The following PIAS1 variants were observed in gnomAD, a reference collection of about 807,000 sequenced individuals.
PIAS1 encodes the protein protein inhibitor of activated STAT 1.
PIAS1 carries 6 observed loss-of-function variants against 71.3 expected under a neutral mutation model. The observed-to-expected ratio is 0.08, with a 90% CI of 0.05 to 0.17. PIAS1 has a LOEUF of 0.17. Ranked by LOEUF, PIAS1 falls within the 10% of genes least tolerant of loss-of-function variation. PIAS1 has a pLI of 1.00. For synonymous variants in PIAS1, 303 were observed against 292.9 expected, an observed-to-expected ratio of 1.03 and a Z score of -0.35; for missense variants, 555 against 793.6, an observed-to-expected ratio of 0.70 and a Z score of 3.61.
rs1336113046 is a variant in PIAS1 at position 68,187,770 on chromosome 15, A to G, written c.1891A>G (p.Asn631Asp). The change falls in exon 14 of 14, where the codon AAC becomes GAC. Residue 631 changes from asparagine to aspartate, a missense_variant. By Grantham distance (23) the Asn-to-Asp change is conservative. This residue lies in a region of PIAS1 where 244 missense variants were observed against 307.5 expected (regional missense o/e 0.79). Transcript: ENST00000249636. The surrounding 1 kb of genome is among the most constrained non-coding windows in gnomAD (Gnocchi z 5.3). ...LRESHSHTVT[N>D]RSSTDTASIF... ...GGAAAGCCATAGCCACACCGTCACA[A>G]ACAGGAGCAGCACGGACACGGCATC... 3.1e-6 allele frequency: 5 copies of G among 1,613,974 alleles called. No homozygotes were observed. The highest frequency in any genetic ancestry group is 4.2e-6 in the Non-Finnish European group (5 of 1,179,896).
intron 8 of PIAS1, among the ~76,000 whole-genome samples, chr15:68,168,671 T>A (rs1354569366): frequency 6.9e-6 from 1 of 145,616 alleles, no homozygotes; most frequent in African/African-American, 2.9e-5. Context: ...TAGAATTTAG[T>A]GATTTTTTTA....
chr15:68,092,585 GA>G (rs2092341781), intron 2 of PIAS1, among the ~76,000 whole-genome samples: 1 of 152,158 alleles, frequency 6.6e-6, no homozygotes, highest in Non-Finnish European at 1.5e-5. Flanking sequence ...TTCAAATGTT[GA>G]AACCTAATTC....
At chr15:68,058,702 G>A (rs891671257) in intron 1 of PIAS1, among the ~76,000 whole-genome samples, 1 of 152,156 alleles carries the variant, frequency 6.6e-6, no homozygotes, top group Non-Finnish European at 1.5e-5. Flanking sequence ...ATTAATTTTT[G>A]TAAGTATCAT....
At chr15:68,078,628 T>G (rs888078461) in intron 1 of PIAS1, among the ~76,000 whole-genome samples, 5 of 152,210 alleles carry the variant, frequency 3.3e-5, no homozygotes, top group Admixed American at 3.3e-4. Flanking sequence ...GTATTAGTTA[T>G]GAACTCTGGA....
chr15:68,176,388 C>T lies in PIAS1; in HGVS notation c.1301-86C>T. ...GCTCCAACAATATTGTGAATCTAAA[C>T]TGTAACTGATAAACTGTAGTGACAC... is the stretch of plus-strand genomic sequence containing the variant. On this transcript the variant is annotated intron_variant, in intron 10 of 13. Coordinates refer to ENST00000249636, the MANE Select transcript of PIAS1 (RefSeq NM_016166.3). 3 of 825,850 alleles carry T rather than the reference C, an allele frequency of 3.6e-6. No homozygotes were observed. The South Asian group carries it at 9.4e-5, about 26-fold the overall frequency. The allele number at this position is 825,850 out of a possible 1,614,324, so 51.2% of individuals were successfully genotyped here.
intron 6 of PIAS1, among the ~76,000 whole-genome samples, chr15:68,151,658 A>G (rs969423682): frequency 1.2e-5 from 1 of 82,050 alleles, no homozygotes; most frequent in Admixed American, 1.2e-4. Context: ...CATCTCTACT[A>G]AAAACAAAAA....
rs562019259 is a variant in PIAS1 at position 68,093,610 on chromosome 15, A to T, written c.469+6860A>T. Reference sequence around the variant, plus strand: ...ATTTAAGTGGTTTATTTTGTGGGGGAACAACATGGATCATAATTGTGGTTG... The same window carrying T: ...ATTTAAGTGGTTTATTTTGTGGGGGTACAACATGGATCATAATTGTGGTTG... On this transcript the variant is annotated intron_variant, in intron 2 of 13. Transcript: ENST00000249636. Among the ~76,000 whole-genome samples, 7 of 152,294 alleles carry T rather than the reference A, an allele frequency of 4.6e-5. No individual in the cohort carries two copies. The East Asian group carries it at 1.2e-3, about 25-fold the overall frequency.
Position 68,187,661 on chromosome 15 carries a change from T to G in PIAS1, c.1782T>G (p.Ser594Arg). ...TSSQMFLDQL[S>R]AGGSTSLPTT... is the part of the protein sequence containing the mutation. ...CACAGATGTTTCTTGATCAGTTAAG[T>G]GCAGGAGGCAGTACTTCTCTGCCAA... Residue 594 changes from serine to arginine, a missense_variant, in exon 14 of 14, where the codon AGT becomes AGG. This residue lies in a region of PIAS1 where 244 missense variants were observed against 307.5 expected (regional missense o/e 0.79). Coordinates refer to ENST00000249636, the MANE Select transcript of PIAS1 (RefSeq NM_016166.3). This position sits in a 1 kb window ranked among gnomAD's most constrained non-coding sequence, Gnocchi z 5.3. 6.2e-7 allele frequency: 1 copy of G among 1,614,024 alleles called. No individual in the cohort carries two copies. The highest frequency in any genetic ancestry group is 8.5e-7 in the Non-Finnish European group (1 of 1,179,892).
chr15:68,092,259 C>T (rs556108051), intron 2 of PIAS1, among the ~76,000 whole-genome samples: 24 of 152,096 alleles, frequency 1.6e-4, no homozygotes, highest in Middle Eastern at 3.4e-3. Flanking sequence ...CTGCAACCTC[C>T]GCTTCCTGGC....
At chr15:68,149,756 G>A (rs1445013995) in intron 6 of PIAS1, among the ~76,000 whole-genome samples, 1 of 151,806 alleles carries the variant, frequency 6.6e-6, no homozygotes, top group East Asian at 1.9e-4. Flanking sequence ...TGATTTATTG[G>A]TATTTCTATG....
At position 68,181,302 on chromosome 15, in the gene PIAS1, C is replaced by T; in HGVS notation, c.1572C>T (p.Ile524=). Residue 524 remains isoleucine, a synonymous_variant, in exon 12 of 14, where the codon ATC becomes ATT. Coordinates refer to ENST00000249636, the MANE Select transcript of PIAS1 (RefSeq NM_016166.3). The stretch of plus-strand genomic sequence containing the variant: ...CAAGCTACATTAATACCTCCCTCAT[C>T]CAAGACTATAGGCATCCTTTCCACA... ...VDTSYINTSL[I]QDYRHPFHMT... is the part of the protein sequence containing the mutation. The T allele has an allele frequency of 6.2e-7, 1 of 1,613,736 alleles. No individual in the cohort carries two copies. Among genetic ancestry groups the T allele is most frequent in the South Asian group, 1.1e-5 (1 of 91,072 alleles).
chr15:68,141,890 T>A, intron 2 of PIAS1, 56 bp from the exon 3 acceptor site: 1 of 1,127,168 alleles, frequency 8.9e-7, no homozygotes, highest in African/African-American at 1.6e-5. Flanking sequence ...TTTTTTGCTT[T>A]TGTCTTTACT....
At chr15:68,141,710 G>A (rs937599176) in intron 2 of PIAS1, among the ~76,000 whole-genome samples, 4 of 152,012 alleles carry the variant, frequency 2.6e-5, no homozygotes, top group African/African-American at 4.8e-5. Context: ...CTTTGATTAT[G>A]TATTGTCTGA....
Position 68,054,525 on chromosome 15 carries a change from C to A in PIAS1, c.24+175C>A. 1.9e-6 allele frequency: 1 copy of A among 530,364 alleles called. No homozygotes were observed. Among genetic ancestry groups the A allele is most frequent in the Non-Finnish European group, 3.2e-6 (1 of 315,792 alleles). The allele number at this position is 530,364 out of a possible 1,614,324, so 32.9% of individuals were successfully genotyped here. ...CAGAGGGGGCCCGCCTGCGGCGGGCCGCGGGCCCCGGGTGCCTCGGGGGCG... is the reference window on the plus strand; with the variant it reads ...CAGAGGGGGCCCGCCTGCGGCGGGCAGCGGGCCCCGGGTGCCTCGGGGGCG... On this transcript the variant is annotated intron_variant, in intron 1 of 13. Coordinates refer to ENST00000249636, the MANE Select transcript of PIAS1 (RefSeq NM_016166.3). This position sits in a 1 kb window ranked among gnomAD's most constrained non-coding sequence, Gnocchi z 4.6.
chr15:68,153,104 A>G (rs1312853456), intron 6 of PIAS1, among the ~76,000 whole-genome samples: 3 of 151,986 alleles, frequency 2.0e-5, no homozygotes, highest in Non-Finnish European at 4.4e-5. Flanking sequence ...GTTAAAAGGT[A>G]TAAATTAGGA....
At chr15:68,142,115 G>A (rs766639220) in intron 3 of PIAS1, 85 bp downstream of exon 3, 74 of 1,002,860 alleles carry the variant, frequency 7.4e-5, no homozygotes, top group Non-Finnish European at 1.0e-4. Flanking sequence ...AGTGATTGGT[G>A]AGTTAGTATT....
In PIAS1 at chr15:68,187,403, G is replaced by A; in HGVS notation, c.1663-139G>A. The A allele has an allele frequency of 2.8e-6, 2 of 717,182 alleles. No individual in the cohort carries two copies. The highest frequency in any genetic ancestry group is 5.7e-5 in the Admixed American group (2 of 34,812). 44.4% of individuals were successfully genotyped at this position (717,182 alleles called of 1,614,324 possible). On this transcript the variant is annotated intron_variant, in intron 13 of 13. Coordinates refer to ENST00000249636, the MANE Select transcript of PIAS1 (RefSeq NM_016166.3). The surrounding 1 kb of genome is among the most constrained non-coding windows in gnomAD (Gnocchi z 5.3). ...TCCTTACATAAGGCCATTTGATTTTGCAAAATGTCTTAGTAAATATTTCAG... is the reference window on the plus strand; with the variant it reads ...TCCTTACATAAGGCCATTTGATTTTACAAAATGTCTTAGTAAATATTTCAG...
intron 6 of PIAS1, among the ~76,000 whole-genome samples, chr15:68,150,387 GTA>G (rs1171245736): frequency 6.6e-6 from 1 of 152,126 alleles, no homozygotes; most frequent in Non-Finnish European, 1.5e-5. Context: ...TTCTGGGGAA[GTA>G]AAACACTAAA....
In PIAS1 at chr15:68,192,630, G is replaced by A. The variant is rs909990291; in HGVS notation, c.*4795G>A. The A allele has an allele frequency of 1.3e-5, 2 of 152,174 alleles. No individual in the cohort carries two copies. Among genetic ancestry groups the A allele is most frequent in the Admixed American group, 1.3e-4 (2 of 15,280 alleles). 9.4% of individuals were successfully genotyped at this position (152,174 alleles called of 1,614,324 possible). ...TTTGGGTCTGAAGCCACACAGCATC[G>A]TTGAGACAGTTGCACTAACACTACA... On this transcript the variant is annotated 3_prime_UTR_variant, in exon 14 of 14. Transcript: ENST00000249636.
Sources: allele counts gnomAD v4.1 joint callset (sites outside exome capture counted in the v4.1 genomes callset), GRCh38; gene constraint gnomAD v4.1.1; regional missense constraint gnomAD v4.1.1; non-coding constraint Gnocchi (gnomAD v3.1); transcripts MANE v1.5; gene names NCBI Gene and HGNC (gene_info 2026-07-23, HGNC 2026-07-21).